Variants in OCLN observed in about 807,000 individuals in gnomAD.
OCLN encodes phosphatase 1, regulatory subunit 115.
A neutral mutation model predicts 47.9 loss-of-function variants in OCLN; 21 were observed. The observed-to-expected ratio is 0.44, with a 90% CI of 0.31 to 0.63. OCLN has a LOEUF of 0.63. Ranked by LOEUF, OCLN falls within the 30% of genes least tolerant of loss-of-function variation. The pLI is 0.08. For missense variants in OCLN, 360 were observed against 571.0 expected, an observed-to-expected ratio of 0.63 and a Z score of 3.77; for synonymous variants, 117 against 198.4, an observed-to-expected ratio of 0.59 and a Z score of 3.45.
chr5:69,521,619 G>A (rs1163377470), intron 4 of OCLN, among the ~76,000 whole-genome samples: 2 of 152,038 alleles, frequency 1.3e-5, no homozygotes, highest in Non-Finnish European at 2.9e-5. Context: ...AGGCAATAGA[G>A]CAAGACCCCT....
chr5:69,524,066 T>C (rs1769214516), intron 4 of OCLN, among the ~76,000 whole-genome samples: 1 of 152,130 alleles, frequency 6.6e-6, no homozygotes, highest in Non-Finnish European at 1.5e-5. Flanking sequence ...GGAAATCACC[T>C]GAACCTGGGA....
intron 2 of OCLN, among the ~76,000 whole-genome samples, chr5:69,507,991 A>G (rs1179956150): frequency 6.6e-6 from 1 of 152,220 alleles, no homozygotes; most frequent in African/African-American, 2.4e-5. Context: ...TAAAAAATGA[A>G]TGATTCAGGA....
At chr5:69,526,749 T>C (rs1769291294) in intron 4 of OCLN, among the ~76,000 whole-genome samples, 1 of 152,236 alleles carries the variant, frequency 6.6e-6, no homozygotes. Flanking sequence ...AAGCGTAGCT[T>C]CTGGCAGACA....
chr5:69,529,352 A>G (rs746951720), intron 4 of OCLN, among the ~76,000 whole-genome samples: 2 of 152,254 alleles, frequency 1.3e-5, no homozygotes, highest in Non-Finnish European at 2.9e-5. Context: ...CACAAGTGAC[A>G]TAATCAGAAC....
intron 1 of OCLN, among the ~76,000 whole-genome samples, chr5:69,502,888 A>G (rs867739438): frequency 5.1e-4 from 78 of 152,284 alleles, no homozygotes; most frequent in African/African-American, 1.8e-3. Context: ...TGCACTCCCC[A>G]CAAAAACTGG....
intron 1 of OCLN, among the ~76,000 whole-genome samples, chr5:69,502,137 T>G (rs1172636532): frequency 1.3e-5 from 2 of 151,148 alleles, no homozygotes; most frequent in Non-Finnish European, 1.5e-5. Flanking sequence ...AGGCGGAGAT[T>G]GCAGTGAGCT....
chr5:69,535,636 G>A (rs2112067465), intron 5 of OCLN, among the ~76,000 whole-genome samples: 1 of 119,756 alleles, frequency 8.4e-6, no homozygotes. Context: ...TCATCCTTGA[G>A]TGAACATCAC....
At chr5:69,512,822 C>G (rs1440798162) in intron 3 of OCLN, among the ~76,000 whole-genome samples, 3 of 152,164 alleles carry the variant, frequency 2.0e-5, no homozygotes, top group Non-Finnish European at 4.4e-5. Context: ...ACTTTAGTAA[C>G]CATGAGTCAT....
intron 4 of OCLN, among the ~76,000 whole-genome samples, chr5:69,529,574 G>T (rs1320717891): frequency 6.6e-6 from 1 of 151,974 alleles, no homozygotes; most frequent in Non-Finnish European, 1.5e-5. Context: ...TGTCCTTTTT[G>T]AATGTAATTT....
At chr5:69,495,348 A>G (rs751086581) in intron 1 of OCLN, among the ~76,000 whole-genome samples, 1 of 152,160 alleles carries the variant, frequency 6.6e-6, no homozygotes, top group Non-Finnish European at 1.5e-5. Context: ...GGATCCTATT[A>G]AAACACAGAT....
chr5:69,513,326 G>T (rs1022667320), intron 3 of OCLN, among the ~76,000 whole-genome samples: 3 of 152,172 alleles, frequency 2.0e-5, no homozygotes, highest in Non-Finnish European at 4.4e-5. Context: ...CTAGTAGTAT[G>T]CAAGACTCCT....
Position 69,514,124 on chromosome 5 carries a change from A to G in OCLN, c.891+15A>G, listed in dbSNP as rs754122120. Reference sequence around the variant, plus strand: ...TCGAGGAGTGGGTAAGTGTTAAAAAATAACTTTACATCTTTTATTAAAGCC... The same window carrying G: ...TCGAGGAGTGGGTAAGTGTTAAAAAGTAACTTTACATCTTTTATTAAAGCC... On this transcript the variant is annotated intron_variant, in intron 4 of 8. Transcript: ENST00000396442. 4 of 1,610,982 alleles carry G rather than the reference A, an allele frequency of 2.5e-6. No homozygotes were observed. The highest frequency in any genetic ancestry group is 2.5e-6 in the Non-Finnish European group (3 of 1,177,296).
At chr5:69,526,978 A>C (rs1250049150) in intron 4 of OCLN, among the ~76,000 whole-genome samples, 1 of 152,180 alleles carries the variant, frequency 6.6e-6, no homozygotes, top group African/African-American at 2.4e-5. Flanking sequence ...GGCCCTGTAC[A>C]TCAAAAGGTG....
chr5:69,509,723 A>G lies in OCLN; in HGVS notation c.633A>G (p.Gln211=). 1 of 1,614,146 alleles carries G rather than the reference A, an allele frequency of 6.2e-7. No homozygotes were observed. Among genetic ancestry groups the G allele is most frequent in the Non-Finnish European group, 8.5e-7 (1 of 1,180,002 alleles). The stretch of plus-strand genomic sequence containing the variant: ...CTTCTGGATCTCTATATGGTTCACA[A>G]ATATATGCCCTCTGCAACCAATTTT... ...AQSSGSLYGS[Q]IYALCNQFYT... The change falls in exon 3 of 9, where the codon CAA becomes CAG. Residue 211 remains glutamine, a synonymous_variant. Coordinates refer to ENST00000396442, the MANE Select transcript of OCLN (RefSeq NM_001205254.2).
Position 69,509,704 on chromosome 5 carries a change from G to T in OCLN, c.614G>T (p.Gly205Val). 2 of 1,614,054 alleles carry T rather than the reference G, an allele frequency of 1.2e-6. No homozygotes were observed. The highest frequency in any genetic ancestry group is 1.7e-6 in the Non-Finnish European group (2 of 1,179,976). Reference sequence around the variant, plus strand: ...GTGAACCCAACTGCTCAGTCTTCTGGATCTCTATATGGTTCACAAATATAT... The same window carrying T: ...GTGAACCCAACTGCTCAGTCTTCTGTATCTCTATATGGTTCACAAATATAT... ...MGVNPTAQSSGSLYGSQIYAL... is the reference protein window; with the variant it reads ...MGVNPTAQSSVSLYGSQIYAL... Residue 205 changes from glycine to valine, a missense_variant, in exon 3 of 9, where the codon GGA becomes GTA. By Grantham distance (109) the Gly-to-Val change is moderately radical. This residue lies in a region of OCLN where 314 missense variants were observed against 368.1 expected (regional missense o/e 0.85). Coordinates refer to ENST00000396442, the MANE Select transcript of OCLN (RefSeq NM_001205254.2).
At chr5:69,529,094 C>T (rs1045919695) in intron 4 of OCLN, among the ~76,000 whole-genome samples, 2 of 152,282 alleles carry the variant, frequency 1.3e-5, no homozygotes, top group Admixed American at 6.5e-5. Flanking sequence ...AACATTCCTT[C>T]TTGACCTTTT....
chr5:69,523,228 T>G (rs1393474664), intron 4 of OCLN, among the ~76,000 whole-genome samples: 3 of 152,220 alleles, frequency 2.0e-5, no homozygotes, highest in Non-Finnish European at 2.9e-5. Context: ...GAAATTGTGT[T>G]TTCTGAAATT....
At chr5:69,499,556 A>G (rs769859856) in intron 1 of OCLN, among the ~76,000 whole-genome samples, 1 of 151,476 alleles carries the variant, frequency 6.6e-6, no homozygotes, top group Non-Finnish European at 1.5e-5. Flanking sequence ...GCAGTTGCCC[A>G]TTTTCTTGAA....
chr5:69,521,681 G>T (rs1769141958), intron 4 of OCLN, among the ~76,000 whole-genome samples: 1 of 152,184 alleles, frequency 6.6e-6, no homozygotes. Context: ...CATTGTTTTT[G>T]AAAGCTCTGC....
Sources: allele counts gnomAD v4.1 joint callset (sites outside exome capture counted in the v4.1 genomes callset), GRCh38; gene constraint gnomAD v4.1.1; regional missense constraint gnomAD v4.1.1; transcripts MANE v1.5; gene names NCBI Gene and HGNC (gene_info 2026-07-23, HGNC 2026-07-21).